TENT4B: variants seen among roughly 807,000 people sequenced by gnomAD.
TENT4B encodes terminal nucleotidyltransferase 4B.
Under a neutral mutation model 75.0 loss-of-function variants are expected in TENT4B, and 10 were observed. That is an observed-to-expected ratio of 0.13 (90% CI 0.08 to 0.23). The LOEUF is 0.23. Ranked by LOEUF, TENT4B falls within the 10% of genes least tolerant of loss-of-function variation. The probability of loss-of-function intolerance (pLI) is 1.00; values close to 1 mark genes in which losing one functional copy is unlikely to be tolerated. For synonymous variants in TENT4B, 350 were observed against 357.7 expected, an observed-to-expected ratio of 0.98 and a Z score of 0.24; for missense variants, 579 against 893.8, an observed-to-expected ratio of 0.65 and a Z score of 4.49.
At chr16:50,223,805 T>A (rs886304153) in intron 7 of TENT4B, among the ~76,000 whole-genome samples, 14 of 152,174 alleles carry the variant, frequency 9.2e-5, no homozygotes, top group African/African-American at 3.1e-4. Context: ...AGCAGAAGGG[T>A]GCAAGGAGAC....
intron 1 of TENT4B, among the ~76,000 whole-genome samples, chr16:50,197,165 A>T (rs2030323219): frequency 6.6e-6 from 1 of 152,176 alleles, no homozygotes; most frequent in African/African-American, 2.4e-5. Context: ...GTAAACTTGG[A>T]ATATAAAGGT....
Position 50,228,839 on chromosome 16 carries a change from C to T in TENT4B, c.1966-313C>T, listed in dbSNP as rs554532210. On this transcript the variant is annotated intron_variant, in intron 11 of 11. Transcript: ENST00000561678. Reference sequence around the variant, plus strand: ...CCTGTCATGCCCAAGAGCCTCTTCCCGCTCTGTCACTTATGATGTGGTGTT... The same window carrying T: ...CCTGTCATGCCCAAGAGCCTCTTCCTGCTCTGTCACTTATGATGTGGTGTT... Among the ~76,000 whole-genome samples the T allele has an allele frequency of 2.9e-4, 44 of 152,286 alleles. 1 individual carries two copies. In the South Asian group the frequency reaches 7.9e-3, roughly 27 times the overall value.
intron 4 of TENT4B, among the ~76,000 whole-genome samples, chr16:50,216,542 G>A (rs1013918818): frequency 6.6e-6 from 1 of 152,138 alleles, no homozygotes; most frequent in Non-Finnish European, 1.5e-5. Flanking sequence ...CAACTCCTGG[G>A]CTCAAGTGAT....
chr16:50,185,654 A>T (rs1279910654), intron 1 of TENT4B, among the ~76,000 whole-genome samples: 1 of 152,174 alleles, frequency 6.6e-6, no homozygotes, highest in Non-Finnish European at 1.5e-5. Context: ...ATGCAGAGTA[A>T]CGTATCGAAG....
intron 1 of TENT4B, among the ~76,000 whole-genome samples, chr16:50,190,748 A>G (rs535667863): frequency 6.6e-6 from 1 of 152,246 alleles, no homozygotes; most frequent in African/African-American, 2.4e-5. Flanking sequence ...TTAAGCCTGC[A>G]GTTCAGTGGC....
intron 1 of TENT4B, among the ~76,000 whole-genome samples, chr16:50,174,918 T>G (rs2038276336): frequency 1.3e-5 from 2 of 151,948 alleles, no homozygotes; most frequent in African/African-American, 4.8e-5. Context: ...AATTTTTATA[T>G]TTTTAGTAGA....
At chr16:50,224,145 T>A (rs1330298181) in intron 7 of TENT4B, among the ~76,000 whole-genome samples, 2 of 152,236 alleles carry the variant, frequency 1.3e-5, no homozygotes, top group Non-Finnish European at 2.9e-5. Context: ...AGCTGCCTTA[T>A]AAACATTAAT....
chr16:50,161,847 G>GTA (rs926926610), intron 1 of TENT4B, among the ~76,000 whole-genome samples: 3 of 152,020 alleles, frequency 2.0e-5, no homozygotes, highest in African/African-American at 4.8e-5. Context: ...GTGTGTGTGT[G>GTA]TATATATATA....
intron 1 of TENT4B, among the ~76,000 whole-genome samples, chr16:50,164,166 T>A (rs1209649335): frequency 6.6e-6 from 1 of 151,422 alleles, no homozygotes; most frequent in Non-Finnish European, 1.5e-5. Context: ...TCAAAAAAAA[T>A]AAAAAATAAA....
chr16:50,201,830 TAAA>T (rs57061694), intron 1 of TENT4B, among the ~76,000 whole-genome samples: 7,222 of 136,672 alleles, frequency 0.053, 223 homozygotes, highest in East Asian at 0.092. Flanking sequence ...ATACTCTATT[TAAA>T]AAAAAAAAAA....
intron 1 of TENT4B, among the ~76,000 whole-genome samples, chr16:50,182,241 A>G (rs2150697256): frequency 6.6e-6 from 1 of 152,294 alleles, no homozygotes; most frequent in South Asian, 2.1e-4. Context: ...CCCGGGCAAC[A>G]GAGTGAAACC....
chr16:50,155,464 G>A (rs1473543472), intron 1 of TENT4B, among the ~76,000 whole-genome samples: 2 of 152,078 alleles, frequency 1.3e-5, no homozygotes, highest in Non-Finnish European at 2.9e-5. Context: ...CCCTGCTTTG[G>A]CTGAGAGAGA....
At chr16:50,200,223 G>T (rs2030545903) in intron 1 of TENT4B, among the ~76,000 whole-genome samples, 1 of 151,892 alleles carries the variant, frequency 6.6e-6, no homozygotes, top group Non-Finnish European at 1.5e-5. Context: ...AAAATTAGCT[G>T]GGCGTGGTCT....
intron 1 of TENT4B, among the ~76,000 whole-genome samples, chr16:50,158,329 T>C (rs2037940705): frequency 6.6e-6 from 1 of 151,084 alleles, no homozygotes; most frequent in Non-Finnish European, 1.5e-5. Context: ...TCAAGTGATC[T>C]GCCCACCTTG....
intron 10 of TENT4B, 114 bp from the exon 11 acceptor site, chr16:50,227,725 C>T: frequency 8.6e-7 from 1 of 1,157,324 alleles, no homozygotes; most frequent in Non-Finnish European, 1.2e-6. Context: ...CTTTTAACTC[C>T]CAAATGTTTA....
intron 10 of TENT4B, among the ~76,000 whole-genome samples, chr16:50,227,009 T>C (rs887815653): frequency 4.6e-5 from 7 of 152,254 alleles, no homozygotes; most frequent in Non-Finnish European, 1.0e-4. Context: ...AGTTACCTTT[T>C]AAAATCAAAG....
In TENT4B at chr16:50,230,881, T is replaced by C. The variant is rs1222456529; in HGVS notation, c.*1553T>C. 14 of 985,462 alleles carry C rather than the reference T, an allele frequency of 1.4e-5. No homozygotes were observed. The highest frequency in any genetic ancestry group is 1.7e-5 in the African/African-American group (1 of 57,246). 61.0% of individuals were successfully genotyped at this position (985,462 alleles called of 1,614,324 possible). On this transcript the variant is annotated 3_prime_UTR_variant, in exon 12 of 12. Coordinates refer to ENST00000561678, the MANE Select transcript of TENT4B (RefSeq NM_001365324.3). ...TGTTTAGCATCAATGTGTATGGCTCTGTTAAATGCAGCCATTTCTGAGACG... is the reference window on the plus strand; with the variant it reads ...TGTTTAGCATCAATGTGTATGGCTCCGTTAAATGCAGCCATTTCTGAGACG...
At position 50,231,879 on chromosome 16, in the gene TENT4B, CTT is replaced by C. The variant is rs1348075000; in HGVS notation, c.*2552_*2553del. On this transcript the variant is annotated 3_prime_UTR_variant, in exon 12 of 12. Coordinates refer to ENST00000561678, the MANE Select transcript of TENT4B (RefSeq NM_001365324.3). Reference sequence around the variant, plus strand: ...TACATTTCATCTATTTGACTCCTATCTTATTTCTTTTTTGAGTTTTAATACTT... The same window carrying C: ...TACATTTCATCTATTTGACTCCTATCATTTCTTTTTTGAGTTTTAATACTT... 3 of 982,116 alleles carry C rather than the reference CTT, an allele frequency of 3.1e-6. No homozygotes were observed. The highest frequency in any genetic ancestry group is 2.4e-6 in the Non-Finnish European group (2 of 826,958). 60.8% of individuals were successfully genotyped at this position (982,116 alleles called of 1,614,324 possible).
chr16:50,217,417 G>C (rs900408608), intron 4 of TENT4B, 139 bp from the exon 5 acceptor site: 1 of 554,136 alleles, frequency 1.8e-6, no homozygotes, highest in Non-Finnish European at 3.2e-6. Flanking sequence ...GTTTACTGGG[G>C]TGTGCCATAT....
Sources: gnomAD v4.1 joint callset for allele counts (sites outside exome capture counted in the v4.1 genomes callset) on GRCh38, gnomAD v4.1.1 for gene constraint, MANE v1.5 for transcripts, NCBI Gene and HGNC (gene_info 2026-07-23, HGNC 2026-07-21) for gene names.